The following SLC24A4 variants were observed in gnomAD, a reference collection of about 807,000 sequenced individuals.
SLC24A4 encodes sodium/potassium/calcium exchanger 4.
Under a neutral mutation model 79.0 loss-of-function variants are expected in SLC24A4, and 53 were observed. That is an observed-to-expected ratio of 0.67 (90% CI 0.54 to 0.84). The LOEUF is 0.84. Ranked by LOEUF, SLC24A4 falls within the 40% of genes least tolerant of loss-of-function variation. SLC24A4 has a pLI of 0.00. For missense variants in SLC24A4, 731 were observed against 822.0 expected, an observed-to-expected ratio of 0.89 and a Z score of 1.35; for synonymous variants, 323 against 323.8, an observed-to-expected ratio of 1.00 and a Z score of 0.03.
intron 12 of SLC24A4, among the ~76,000 whole-genome samples, chr14:92,458,102 C>A (rs181160153): frequency 1.3e-3 from 205 of 152,336 alleles, no homozygotes; most frequent in Non-Finnish European, 1.6e-3. Flanking sequence ...GGGCTCTTCC[C>A]AAAATGCCAG....
intron 2 of SLC24A4, among the ~76,000 whole-genome samples, chr14:92,381,410 A>T (rs563558832): frequency 1.2e-4 from 19 of 152,146 alleles, no homozygotes; most frequent in Non-Finnish European, 2.6e-4. Context: ...GGAGGGGAAC[A>T]TCATACCCTG....
intron 7 of SLC24A4, among the ~76,000 whole-genome samples, chr14:92,444,608 A>G (rs12434152): frequency 0.24 from 36,511 of 152,128 alleles, 4,524 homozygotes; most frequent in African/African-American, 0.28. Flanking sequence ...TAATCCTAGC[A>G]CTTTGGAAGG....
At chr14:92,373,310 C>T (rs192189869) in intron 2 of SLC24A4, among the ~76,000 whole-genome samples, 10 of 152,268 alleles carry the variant, frequency 6.6e-5, no homozygotes, top group Non-Finnish European at 1.3e-4. Context: ...TCCCAAACTG[C>T]TGGGATTACA....
intron 4 of SLC24A4, among the ~76,000 whole-genome samples, chr14:92,440,763 T>G (rs865988825): frequency 1.3e-5 from 2 of 151,088 alleles, no homozygotes; most frequent in Non-Finnish European, 1.5e-5. Flanking sequence ...AGGGGGAGCA[T>G]CTCTCTTGGG....
intron 11 of SLC24A4, 34 bp from the exon 12 acceptor site, chr14:92,456,370 G>A (rs765855703): frequency 2.0e-5 from 33 of 1,611,096 alleles, no homozygotes; most frequent in East Asian, 8.9e-5. Flanking sequence ...TTTATCACAT[G>A]CCTTGGTGTC....
chr14:92,355,769 T>A (rs768040152), intron 2 of SLC24A4, among the ~76,000 whole-genome samples: 4 of 152,178 alleles, frequency 2.6e-5, no homozygotes, highest in Non-Finnish European at 4.4e-5. Context: ...AAAGCTGTCA[T>A]CAGTGACACT....
chr14:92,387,340 C>G (rs530968794), intron 2 of SLC24A4, among the ~76,000 whole-genome samples: 18 of 152,170 alleles, frequency 1.2e-4, no homozygotes, highest in African/African-American at 4.3e-4. Context: ...CCACGCCCGG[C>G]TAATTTTAGT....
At chr14:92,354,142 C>G (rs1002652475) in intron 2 of SLC24A4, among the ~76,000 whole-genome samples, 1 of 151,468 alleles carries the variant, frequency 6.6e-6, no homozygotes, top group Admixed American at 6.6e-5. Context: ...GCCAGGTGAT[C>G]GTACACCATA....
intron 2 of SLC24A4, among the ~76,000 whole-genome samples, chr14:92,389,994 G>T (rs755517452): frequency 2.0e-5 from 3 of 152,036 alleles, no homozygotes; most frequent in Non-Finnish European, 2.9e-5. Flanking sequence ...GATGCCAGCC[G>T]GTCCCTCTGC....
chr14:92,359,467 T>C (rs867490028), intron 2 of SLC24A4, among the ~76,000 whole-genome samples: 4 of 151,828 alleles, frequency 2.6e-5, no homozygotes, highest in Non-Finnish European at 4.4e-5. Flanking sequence ...GGTGTGGTGG[T>C]GTGCACCTGT....
intron 2 of SLC24A4, among the ~76,000 whole-genome samples, chr14:92,339,099 G>A (rs1885978728): frequency 6.6e-6 from 1 of 152,214 alleles, no homozygotes; most frequent in Admixed American, 6.5e-5. Context: ...AGAGCTCAAA[G>A]ATCGAGGTGC....
intron 2 of SLC24A4, among the ~76,000 whole-genome samples, chr14:92,366,847 G>C (rs1208952147): frequency 2.6e-5 from 4 of 152,222 alleles, no homozygotes; most frequent in Non-Finnish European, 5.9e-5. Context: ...GGGAAGGGGT[G>C]ATTACGTCCA....
intron 2 of SLC24A4, among the ~76,000 whole-genome samples, chr14:92,426,475 G>C (rs1295243740): frequency 6.6e-6 from 1 of 152,220 alleles, no homozygotes; most frequent in Non-Finnish European, 1.5e-5. Context: ...CCCTTGTCCA[G>C]CTGTAGAAAT....
At chr14:92,378,677 A>G (rs1398786806) in intron 2 of SLC24A4, among the ~76,000 whole-genome samples, 1 of 152,176 alleles carries the variant, frequency 6.6e-6, no homozygotes, top group Non-Finnish European at 1.5e-5. Context: ...TCTCTTACTG[A>G]TATCTTTTGA....
chr14:92,463,154 C>T (rs79228467), intron 12 of SLC24A4, among the ~76,000 whole-genome samples: 20,824 of 152,110 alleles, frequency 0.14, 1,544 homozygotes, highest in East Asian at 0.23. Context: ...AACAGGCAAT[C>T]GGAAGATTTC....
rs553687694 is a variant in SLC24A4, at chr14:92,353,781, A to G, written c.241+27803A>G. On this transcript the variant is annotated intron_variant, in intron 2 of 16. Transcript: ENST00000532405. This position sits in a 1 kb window ranked among gnomAD's most constrained non-coding sequence, Gnocchi z 4.1. ...TGTCGTGGTCAGGTTCCCCAGAGATAAATCTAGCATGGCCAGGGGAGGCAT... is the reference window on the plus strand; with the variant it reads ...TGTCGTGGTCAGGTTCCCCAGAGATGAATCTAGCATGGCCAGGGGAGGCAT... Among the ~76,000 whole-genome samples, 155 of 152,278 alleles carry G rather than the reference A, an allele frequency of 1.0e-3. No homozygotes were observed. Among genetic ancestry groups the G allele is most frequent in the Non-Finnish European group, 1.5e-3 (104 of 68,034 alleles).
chr14:92,349,136 T>C (rs567564826), intron 2 of SLC24A4, among the ~76,000 whole-genome samples: 2 of 151,576 alleles, frequency 1.3e-5, no homozygotes, highest in South Asian at 4.2e-4. Context: ...AGATTTCCAA[T>C]GTCTTCAATA....
chr14:92,479,282 G>C (rs927883173), intron 12 of SLC24A4, among the ~76,000 whole-genome samples: 1 of 152,132 alleles, frequency 6.6e-6, no homozygotes, highest in African/African-American at 2.4e-5. Flanking sequence ...AGTGAGGTGG[G>C]GAGGGGAGGG....
chr14:92,411,948 A>G (rs1339524716), intron 2 of SLC24A4, among the ~76,000 whole-genome samples: 1 of 152,068 alleles, frequency 6.6e-6, no homozygotes, highest in Non-Finnish European at 1.5e-5. Context: ...AAACAAAACA[A>G]AACAAAAAAA....
Sources: allele counts gnomAD v4.1 joint callset (sites outside exome capture counted in the v4.1 genomes callset), GRCh38; gene constraint gnomAD v4.1.1; non-coding constraint Gnocchi (gnomAD v3.1); transcripts MANE v1.5; gene names NCBI Gene and HGNC (gene_info 2026-07-23, HGNC 2026-07-21).